RASSF3: variants seen among roughly 807,000 people sequenced by gnomAD.
The protein encoded by RASSF3 is Ras association domain family member 3.
RASSF3 carries 19 observed loss-of-function variants against 19.9 expected under a neutral mutation model. That is an observed-to-expected ratio of 0.96 (90% CI 0.67 to 1.40). The LOEUF is 1.40. RASSF3 is among the 40% of genes most tolerant of loss of function. RASSF3 has a pLI of 0.00. For synonymous variants in RASSF3, 110 were observed against 104.2 expected (o/e 1.06, Z -0.34); for missense variants, 306 against 289.8 (o/e 1.06, Z -0.41).
chr12:64,596,650 A>G (rs1870002983), intron 2 of RASSF3, among the ~76,000 whole-genome samples: 2 of 152,124 alleles, frequency 1.3e-5, no homozygotes, highest in South Asian at 4.1e-4. Context: ...CCCATGCCCC[A>G]ACACTCTTTT....
At chr12:64,560,909 C>T (rs947948803) in intron 2 of RASSF3, among the ~76,000 whole-genome samples, 22 of 152,230 alleles carry the variant, frequency 1.4e-4, no homozygotes, top group Admixed American at 1.2e-3. Context: ...GTCACAAAAG[C>T]TGCTCAGCCT....
chr12:64,690,655 A>AT (rs976927025), intron 3 of RASSF3, among the ~76,000 whole-genome samples: 74 of 144,828 alleles, frequency 5.1e-4, no homozygotes, highest in South Asian at 1.8e-3. Flanking sequence ...AGAAAAAAAA[A>AT]TTTTTTTTTT....
chr12:64,650,759 C>A (rs773324809), intron 1 of RASSF3, among the ~76,000 whole-genome samples: 4 of 152,200 alleles, frequency 2.6e-5, no homozygotes, highest in Non-Finnish European at 4.4e-5. Context: ...TAAAAAAAGT[C>A]TTTTCCTGTA....
rs781319836 is a variant in RASSF3 at position 64,604,637 on chromosome 12, C to CT, written c.294+62945dup. On this transcript the variant is annotated intron_variant, in intron 2 of 5. Transcript: ENST00000637125. ...AGCTACCAGGCTGATGTAACCAACT[C>CT]TTTTTTTTTTTTTCTTTTGAGATGG... 6.7e-3 allele frequency among the ~76,000 whole-genome samples: 977 copies of CT among 145,372 alleles called. 9 individuals carry two copies. Among genetic ancestry groups the CT allele is most frequent in the African/African-American group, 0.019 (756 of 39,716 alleles).
intron 1 of RASSF3, among the ~76,000 whole-genome samples, chr12:64,620,014 CTGTGTG>C (rs68044550): frequency 2.2e-5 from 3 of 134,168 alleles, no homozygotes; most frequent in Non-Finnish European, 3.1e-5. Context: ...TGCAGGTTGA[CTGTGTG>C]TGTGTGTGTG....
intron 1 of RASSF3, among the ~76,000 whole-genome samples, chr12:64,670,186 G>A (rs1872653794): frequency 6.6e-6 from 1 of 152,172 alleles, no homozygotes; most frequent in Non-Finnish European, 1.5e-5. Context: ...GGACAGCCTT[G>A]TGGCGTTGGT....
intron 1 of RASSF3, among the ~76,000 whole-genome samples, chr12:64,646,746 A>ATTTTTTTTTTT (rs5798750): frequency 7.0e-6 from 1 of 143,868 alleles, no homozygotes. Context: ...TTCTCTCTCC[A>ATTTTTTTTTTT]TTTTTTTTTT....
intron 1 of RASSF3, among the ~76,000 whole-genome samples, chr12:64,629,183 A>C (rs1419136094): frequency 3.3e-5 from 5 of 149,542 alleles, no homozygotes; most frequent in Admixed American, 3.3e-4. Flanking sequence ...GCTCACTGCA[A>C]CCTCTGCCTA....
intron 2 of RASSF3, among the ~76,000 whole-genome samples, chr12:64,546,867 A>G (rs1350299002): frequency 6.6e-6 from 1 of 152,218 alleles, no homozygotes; most frequent in Non-Finnish European, 1.5e-5. Flanking sequence ...TTGGTCCTTG[A>G]AAAGAACTAT....
At chr12:64,592,602 C>T (rs75180233) in intron 2 of RASSF3, among the ~76,000 whole-genome samples, 2,216 of 152,108 alleles carry the variant, frequency 0.015, 60 homozygotes, top group African/African-American at 0.051. Context: ...TTTCTGCAAC[C>T]TCAGTAAGGA....
At position 64,650,680 on chromosome 12, in the gene RASSF3, G is replaced by T. The variant is rs545188881; in HGVS notation, c.112-34107G>T. Among the ~76,000 whole-genome samples, 97 of 152,198 alleles carry T rather than the reference G, an allele frequency of 6.4e-4. 3 individuals are homozygous for T. The South Asian group carries it at 0.015, about 24-fold the overall frequency. On this transcript the variant is annotated intron_variant, in intron 1 of 4. Coordinates refer to ENST00000542104, the MANE Select transcript of RASSF3 (RefSeq NM_178169.4). The stretch of plus-strand genomic sequence containing the variant: ...TCTGCCCGCCTTGGACTTCCAAAGT[G>T]CTGGGATTACAGGCGTGAGCCACCG...
chr12:64,639,959 A>G (rs577345918), intron 1 of RASSF3, among the ~76,000 whole-genome samples: 48 of 152,332 alleles, frequency 3.2e-4, no homozygotes, highest in African/African-American at 1.1e-3. Flanking sequence ...TCTCCTTGAC[A>G]TTCTATGATG....
chr12:64,612,714 A>G (rs563883220), intron 1 of RASSF3, among the ~76,000 whole-genome samples: 2 of 152,140 alleles, frequency 1.3e-5, no homozygotes, highest in Admixed American at 1.3e-4. Flanking sequence ...GGCCTCAGGT[A>G]ATCTGCCCGC....
At chr12:64,668,727 G>A (rs1488906442) in intron 1 of RASSF3, among the ~76,000 whole-genome samples, 2 of 149,584 alleles carry the variant, frequency 1.3e-5, no homozygotes, top group African/African-American at 4.9e-5. Flanking sequence ...TGTCGCCCAG[G>A]CTGGAGTGCA....
chr12:64,676,260 G>A (rs1472128176), intron 1 of RASSF3, among the ~76,000 whole-genome samples: 2 of 147,394 alleles, frequency 1.4e-5, no homozygotes, highest in Non-Finnish European at 3.0e-5. Context: ...GGGTTCAAGC[G>A]ATTCTCCTGC....
intron 1 of RASSF3, among the ~76,000 whole-genome samples, chr12:64,646,462 G>C (rs1446970343): frequency 6.6e-6 from 1 of 152,212 alleles, no homozygotes; most frequent in African/African-American, 2.4e-5. Flanking sequence ...TTTCTGATTA[G>C]TGCAAGTTGG....
chr12:64,616,918 C>G (rs897295818), intron 1 of RASSF3, among the ~76,000 whole-genome samples: 1 of 152,144 alleles, frequency 6.6e-6, no homozygotes, highest in African/African-American at 2.4e-5. Flanking sequence ...CTTAACATGT[C>G]GACTCAGAAA....
intron 1 of RASSF3, among the ~76,000 whole-genome samples, chr12:64,670,544 C>CTTTTT (rs34897392): frequency 7.6e-6 from 1 of 131,328 alleles, no homozygotes; most frequent in Non-Finnish European, 1.6e-5. Flanking sequence ...CTCTCTCTCT[C>CTTTTT]TTTTTTTTTT....
At chr12:64,517,234 T>TA (rs1489630320) in intron 1 of RASSF3, among the ~76,000 whole-genome samples, 1 of 151,948 alleles carries the variant, frequency 6.6e-6, no homozygotes, top group Non-Finnish European at 1.5e-5. Context: ...CTTAGGAACA[T>TA]AAAATATGAT....
Sources: allele counts gnomAD v4.1 joint callset (sites outside exome capture counted in the v4.1 genomes callset), GRCh38; gene constraint gnomAD v4.1.1; transcripts MANE v1.5; gene names NCBI Gene and HGNC (gene_info 2026-07-23, HGNC 2026-07-21).